The following CMTR1 variants were observed in gnomAD, a reference collection of about 807,000 sequenced individuals.
CMTR1 encodes cap-specific mRNA (nucleoside-2'-O-)-methyltransferase 1.
A neutral mutation model predicts 107.0 loss-of-function variants in CMTR1; 39 were observed. That is an observed-to-expected ratio of 0.36 (90% CI 0.28 to 0.48). The LOEUF is 0.48. Ranked by LOEUF, CMTR1 falls within the 20% of genes least tolerant of loss-of-function variation. CMTR1 has a pLI of 0.99. For synonymous variants in CMTR1, 366 were observed against 379.5 expected, an observed-to-expected ratio of 0.96 and a Z score of 0.41; for missense variants, 672 against 1,064.9, an observed-to-expected ratio of 0.63 and a Z score of 5.14.
At chr6:37,466,911 CTG>C (rs1761523627) in intron 13 of CMTR1, among the ~76,000 whole-genome samples, 1 of 152,176 alleles carries the variant, frequency 6.6e-6, no homozygotes, top group African/African-American at 2.4e-5. Flanking sequence ...TGGCTCACAC[CTG>C]TAATCCCAGC....
Position 37,450,288 on chromosome 6 carries a change from G to A in CMTR1, c.482G>A (p.Cys161Tyr). ...GAGCAGGTGTCATGGTTTCCAGAAT[G>A]TACCACTGAAATTCCTGACACTCAG... ...ACEQVSWFPE[C>Y]TTEIPDTQEM... The change falls in exon 5 of 24, where the codon TGT becomes TAT. Residue 161 changes from cysteine to tyrosine, a missense_variant. Physicochemically the swap from Cys to Tyr is radical, Grantham distance 194. Coordinates refer to ENST00000373451, the MANE Select transcript of CMTR1 (RefSeq NM_015050.3). 6.2e-7 allele frequency: 1 copy of A among 1,614,066 alleles called. No individual in the cohort carries two copies. Among genetic ancestry groups the A allele is most frequent in the Non-Finnish European group, 8.5e-7 (1 of 1,180,010 alleles).
intron 8 of CMTR1, among the ~76,000 whole-genome samples, chr6:37,455,100 T>C (rs1480969669): frequency 3.3e-5 from 5 of 151,730 alleles, no homozygotes; most frequent in African/African-American, 7.3e-5. Flanking sequence ...TTTTTTTTTT[T>C]CGAGACGGAG....
intron 3 of CMTR1, among the ~76,000 whole-genome samples, chr6:37,445,714 C>T (rs1771778973): frequency 6.6e-6 from 1 of 151,934 alleles, no homozygotes; most frequent in African/African-American, 2.4e-5. Context: ...AGGATGGTCT[C>T]TATCTCCTGA....
chr6:37,432,685 G>A (rs1211621762), upstream of CMTR1, among the ~76,000 whole-genome samples: 2 of 152,240 alleles, frequency 1.3e-5, no homozygotes, highest in African/African-American at 2.4e-5. Context: ...TGGGGTTTGA[G>A]GTGACTGAGT....
intron 8 of CMTR1, among the ~76,000 whole-genome samples, chr6:37,457,462 G>A (rs939839386): frequency 6.6e-6 from 1 of 152,090 alleles, no homozygotes; most frequent in Non-Finnish European, 1.5e-5. Context: ...AAAAAAGGGA[G>A]TGCAAAAAGG....
chr6:37,435,029 C>T (rs973537164), intron 1 of CMTR1, among the ~76,000 whole-genome samples: 1 of 152,154 alleles, frequency 6.6e-6, no homozygotes, highest in East Asian at 1.9e-4. Flanking sequence ...TGTGTTTCCT[C>T]GGTCTTAAGT....
At chr6:37,471,106 C>G (rs984174113) in intron 14 of CMTR1, 29 bp downstream of exon 14, 4 of 1,558,632 alleles carry the variant, frequency 2.6e-6, no homozygotes, top group African/African-American at 1.4e-5. Context: ...TCAGAAACCA[C>G]CTATTTCAAG....
rs370310831 is a variant in CMTR1, at chr6:37,445,484, CT to C, written c.286-785del. 5.5e-3 allele frequency among the ~76,000 whole-genome samples: 597 copies of C among 109,158 alleles called. 2 individuals carry two copies. The highest frequency in any genetic ancestry group is 0.022 in the African/African-American group (505 of 22,858). 71.6% of individuals were successfully genotyped at this position (109,158 alleles called of 152,430 possible). On this transcript the variant is annotated intron_variant, in intron 3 of 23. Coordinates refer to ENST00000373451, the MANE Select transcript of CMTR1 (RefSeq NM_015050.3). ...GTATTATAGTCCTCCCATACCTCAC[CT>C]TTTTTTTTTTTTTTTTTTTTTGAGA...
chr6:37,452,439 G>A (rs186288000), intron 6 of CMTR1, among the ~76,000 whole-genome samples: 105 of 152,318 alleles, frequency 6.9e-4, no homozygotes, highest in Non-Finnish European at 1.4e-3. Context: ...AAACTCTGAG[G>A]AGGAAATGGG....
At chr6:37,449,859 C>A (rs1771894051) in intron 4 of CMTR1, among the ~76,000 whole-genome samples, 1 of 152,206 alleles carries the variant, frequency 6.6e-6, no homozygotes, top group Non-Finnish European at 1.5e-5. Context: ...CATAGACCTA[C>A]ATTGTATGCG....
At position 37,458,806 on chromosome 6, in the gene CMTR1, C is replaced by T. The variant is rs768699430; in HGVS notation, c.972C>T (p.Tyr324=). The T allele has an allele frequency of 1.9e-6, 3 of 1,613,944 alleles. No homozygotes were observed. In the South Asian group the frequency reaches 3.3e-5, roughly 18 times the overall value. ...YSASSELFEP[Y]YGEGGIDGDG... is the part of the protein sequence containing the mutation. ...CTTCCAGTGAACTCTTCGAACCCTA[C>T]TATGGTAGGGACATTGAGGAGGGTA... Residue 324 remains tyrosine, a synonymous_variant, in exon 9 of 24, where the codon TAC becomes TAT. Transcript: ENST00000373451. The surrounding 1 kb of genome is among the most constrained non-coding windows in gnomAD (Gnocchi z 4.7).
At chr6:37,471,279 C>A (rs1358968197) in intron 14 of CMTR1, among the ~76,000 whole-genome samples, 3 of 152,028 alleles carry the variant, frequency 2.0e-5, no homozygotes, top group Non-Finnish European at 4.4e-5. Flanking sequence ...TGTCTTTGGG[C>A]AGATAAGAGT....
the CMTR1 span, among the ~76,000 whole-genome samples, chr6:37,425,989 C>T: frequency 1.3e-5 from 2 of 152,074 alleles, no homozygotes; most frequent in South Asian, 4.1e-4. Flanking sequence ...ATTTTTGTTC[C>T]TTAGACTCAA....
chr6:37,427,238 C>A, the CMTR1 span, among the ~76,000 whole-genome samples: 1 of 152,140 alleles, frequency 6.6e-6, no homozygotes, highest in South Asian at 2.1e-4. The surrounding 1 kb of genome is among the most constrained non-coding windows in gnomAD (Gnocchi z 4.4). Flanking sequence ...TTACATCAGA[C>A]GGATTCCGCC....
intron 13 of CMTR1, among the ~76,000 whole-genome samples, chr6:37,469,010 C>A (rs1312349813): frequency 3.9e-5 from 6 of 152,218 alleles, no homozygotes; most frequent in Admixed American, 2.6e-4. Context: ...TTGAGACTGG[C>A]CTGGCCAACA....
At chr6:37,474,485 C>T (rs1761694238) in intron 17 of CMTR1, 39 bp from the exon 18 acceptor site, 3 of 1,612,120 alleles carry the variant, frequency 1.9e-6, no homozygotes, top group Non-Finnish European at 1.7e-6. Context: ...CCCTCGATCT[C>T]CATGCCTTCC....
chr6:37,457,071 T>A (rs1761309820), intron 8 of CMTR1, among the ~76,000 whole-genome samples: 1 of 149,996 alleles, frequency 6.7e-6, no homozygotes, highest in Non-Finnish European at 1.5e-5. Context: ...AAAAAAAAAA[T>A]TTGTTGAGCG....
chr6:37,478,818 A>T (rs1761796494), intron 22 of CMTR1, among the ~76,000 whole-genome samples: 1 of 152,136 alleles, frequency 6.6e-6, no homozygotes, highest in African/African-American at 2.4e-5. Flanking sequence ...CAAATCCAGA[A>T]AGTCAAGCTT....
intron 14 of CMTR1, 51 bp from the exon 15 acceptor site, chr6:37,471,796 A>G (rs1233603720): frequency 3.9e-6 from 6 of 1,551,018 alleles, no homozygotes; most frequent in Non-Finnish European, 5.3e-6. Flanking sequence ...CACAGGGGGC[A>G]CTCCTGTGCC....
Sources: gnomAD v4.1 joint callset for allele counts (sites outside exome capture counted in the v4.1 genomes callset) on GRCh38, gnomAD v4.1.1 for gene constraint, Gnocchi (gnomAD v3.1) non-coding constraint, MANE v1.5 for transcripts, NCBI Gene and HGNC (gene_info 2026-07-23, HGNC 2026-07-21) for gene names.